The following ACOXL variants were observed in gnomAD, a reference collection of about 807,000 sequenced individuals.
The protein encoded by ACOXL is acyl-CoA oxidase like, also known as acyl-coenzyme A oxidase-like protein.
In ACOXL, 70 loss-of-function variants were observed where a neutral mutation model predicts 71.9. That is an observed-to-expected ratio of 0.97 (90% CI 0.80 to 1.19). ACOXL has a LOEUF of 1.19. ACOXL is among the 50% of genes most tolerant of loss of function. The pLI, the probability that ACOXL is intolerant of heterozygous loss-of-function variation, is 0.00. For synonymous variants in ACOXL, 253 were observed against 281.6 expected (o/e 0.90, Z 1.02); for missense variants, 703 against 736.3 (o/e 0.95, Z 0.52).
At chr2:110,898,016 A>C (rs987550417) in intron 10 of ACOXL, among the ~76,000 whole-genome samples, 3 of 152,182 alleles carry the variant, frequency 2.0e-5, no homozygotes, top group African/African-American at 7.2e-5. Flanking sequence ...ATTCGTTAAA[A>C]AACCCACAAA....
At position 110,946,293 on chromosome 2, in the gene ACOXL, G is replaced by A. The variant is rs766530869; in HGVS notation, c.1059+12651G>A. On this transcript the variant is annotated intron_variant, in intron 12 of 17. Transcript: ENST00000439055. ...CTAAGAGCTTTTGGGTAGATCCTAC[G>A]AGGTTTTATATATCTAGAATTATGT... Among the ~76,000 whole-genome samples, 6 of 152,166 alleles carry A rather than the reference G, an allele frequency of 3.9e-5. No individual in the cohort carries two copies. The South Asian group carries it at 8.3e-4, about 21-fold the overall frequency.
At chr2:110,916,272 G>C (rs1414686469) in intron 11 of ACOXL, among the ~76,000 whole-genome samples, 1 of 151,028 alleles carries the variant, frequency 6.6e-6, no homozygotes, top group African/African-American at 2.4e-5. Flanking sequence ...CAATTTTGCT[G>C]GGTGTTTATC....
chr2:110,783,614 GACAC>G (rs70958747), intron 2 of ACOXL, among the ~76,000 whole-genome samples: 6 of 151,924 alleles, frequency 3.9e-5, no homozygotes, highest in South Asian at 2.1e-4. Flanking sequence ...TAGAAACACA[GACAC>G]ACACACACAC....
intron 11 of ACOXL, among the ~76,000 whole-genome samples, chr2:110,921,424 G>C (rs2060070653): frequency 9.0e-6 from 1 of 111,122 alleles, no homozygotes; most frequent in Non-Finnish European, 1.7e-5. Flanking sequence ...GCAGAGTCTT[G>C]CATTGTTTCC....
intron 12 of ACOXL, chr2:110,963,487 C>T: frequency 7.8e-7 from 1 of 1,279,490 alleles, no homozygotes; most frequent in Non-Finnish European, 1.0e-6. Context: ...GATTGTTTAC[C>T]TCTTTTCAAT....
intron 1 of ACOXL, among the ~76,000 whole-genome samples, chr2:110,739,734 C>G (rs1335271517): frequency 1.3e-5 from 2 of 152,322 alleles, no homozygotes; most frequent in Middle Eastern, 3.4e-3. Flanking sequence ...GCCTCCACTT[C>G]CCAAGCATTT....
intron 12 of ACOXL, among the ~76,000 whole-genome samples, chr2:110,986,227 CAT>C (rs2062926321): frequency 6.6e-6 from 1 of 152,054 alleles, no homozygotes; most frequent in Non-Finnish European, 1.5e-5. Context: ...TTAAAGCAAA[CAT>C]AACATTTTAT....
At chr2:110,861,732 T>A (rs550362693) in intron 10 of ACOXL, among the ~76,000 whole-genome samples, 1 of 152,240 alleles carries the variant, frequency 6.6e-6, no homozygotes, top group Non-Finnish European at 1.5e-5. Flanking sequence ...CACTACGTAA[T>A]GTCTGAAAAA....
intron 15 of ACOXL, among the ~76,000 whole-genome samples, chr2:111,032,079 A>G (rs1197758909): frequency 6.6e-6 from 1 of 152,226 alleles, no homozygotes; most frequent in Non-Finnish European, 1.5e-5. Context: ...GAGGGTGTGC[A>G]CACAGATAAA....
In ACOXL at chr2:110,886,843, T is replaced by G. The variant is rs1253456004; in HGVS notation, c.789-21946T>G. 3 of 1,551,008 alleles carry G rather than the reference T, an allele frequency of 1.9e-6. No individual in the cohort carries two copies. In the South Asian group the frequency reaches 3.6e-5, roughly 18 times the overall value. ...GCTGGTCTTTATTGAGCCCCTCTTG[T>G]GGACCAGGCTAATTTCCTGAAAACT... is the stretch of plus-strand genomic sequence containing the variant. On this transcript the variant is annotated intron_variant, in intron 10 of 17. Coordinates refer to ENST00000439055, the MANE Select transcript of ACOXL (RefSeq NM_001142807.4).
intron 12 of ACOXL, among the ~76,000 whole-genome samples, chr2:110,938,276 G>A (rs1007288306): frequency 3.9e-5 from 6 of 152,204 alleles, no homozygotes; most frequent in African/African-American, 4.8e-5. Flanking sequence ...CTGGGTCTCA[G>A]TGAGGATGCA....
At chr2:111,107,433 A>C (rs537331353) in intron 17 of ACOXL, among the ~76,000 whole-genome samples, 2 of 152,302 alleles carry the variant, frequency 1.3e-5, no homozygotes, top group East Asian at 3.9e-4. Context: ...TCTTCTTAGA[A>C]GTGACTTTAA....
chr2:110,840,268 C>A (rs2105743414), intron 9 of ACOXL, among the ~76,000 whole-genome samples: 1 of 152,248 alleles, frequency 6.6e-6, no homozygotes, highest in Non-Finnish European at 1.5e-5. Context: ...TTGACCTGGT[C>A]ATCACTTGTT....
At chr2:110,758,895 C>T (rs187881443) in intron 1 of ACOXL, among the ~76,000 whole-genome samples, 2 of 152,304 alleles carry the variant, frequency 1.3e-5, no homozygotes, top group East Asian at 3.9e-4. Context: ...TCATTAGTTT[C>T]AAAGAACTTC....
At chr2:111,000,695 TCCAGGCTC>T (rs2063583867) in intron 14 of ACOXL, among the ~76,000 whole-genome samples, 1 of 152,198 alleles carries the variant, frequency 6.6e-6, no homozygotes, top group Admixed American at 6.5e-5. Flanking sequence ...GCCGCATCTC[TCCAGGCTC>T]CCCCTCTGTC....
At chr2:111,001,747 CT>C (rs1426513696) in intron 14 of ACOXL, among the ~76,000 whole-genome samples, 1 of 152,188 alleles carries the variant, frequency 6.6e-6, no homozygotes, top group Non-Finnish European at 1.5e-5. Context: ...AGGATCTGTA[CT>C]TAAGGAATAA....
intron 14 of ACOXL, among the ~76,000 whole-genome samples, chr2:111,025,901 A>G (rs1273884129): frequency 3.3e-5 from 5 of 152,206 alleles, no homozygotes; most frequent in Admixed American, 1.3e-4. Context: ...ATTTAGGTCT[A>G]TGATTCTCTT....
At chr2:110,957,649 A>G (rs1289091388) in intron 12 of ACOXL, among the ~76,000 whole-genome samples, 2 of 152,144 alleles carry the variant, frequency 1.3e-5, no homozygotes, top group Admixed American at 6.5e-5. Flanking sequence ...ATGCCAGGCA[A>G]TATTGAATTA....
chr2:110,841,526 C>G, intron 10 of ACOXL, 121 bp downstream of exon 10: 1 of 724,844 alleles, frequency 1.4e-6, no homozygotes, highest in Non-Finnish European at 2.3e-6. Context: ...ATGTCCGTGT[C>G]GCAGATGGAA....
Sources: allele counts gnomAD v4.1 joint callset (sites outside exome capture counted in the v4.1 genomes callset), GRCh38; gene constraint gnomAD v4.1.1; transcripts MANE v1.5; gene names NCBI Gene and HGNC (gene_info 2026-07-23, HGNC 2026-07-21).